CCDC171: variants seen among roughly 807,000 people sequenced by gnomAD.
The protein encoded by CCDC171 is coiled-coil domain-containing protein 171.
In CCDC171, 177 loss-of-function variants were observed where a neutral mutation model predicts 168.2. The ratio of observed to expected loss-of-function variants is 1.05; its 90% CI spans 0.93 to 1.19. The LOEUF (loss-of-function observed/expected upper bound fraction) is 1.19, where lower values mean the gene tolerates loss of function less well. Among genes scored for constraint, CCDC171 ranks in the 50% most tolerant of loss-of-function variants. The pLI, the probability that CCDC171 is intolerant of heterozygous loss-of-function variation, is 0.00. For synonymous variants in CCDC171, 687 were observed against 540.8 expected (o/e 1.27, Z -3.75); for missense variants, 1,991 against 1,539.0 (o/e 1.29, Z -4.91).
intron 24 of CCDC171, among the ~76,000 whole-genome samples, chr9:15,881,382 A>C (rs374920187): frequency 1.3e-5 from 2 of 152,216 alleles, no homozygotes; most frequent in African/African-American, 2.4e-5. Flanking sequence ...TTTAGGGTAC[A>C]TGTGATAATT....
chr9:15,980,963 G>A (rs920006628), intron 3 of CCDC171, among the ~76,000 whole-genome samples: 2 of 152,022 alleles, frequency 1.3e-5, no homozygotes, highest in Admixed American at 6.6e-5. Flanking sequence ...ATGGTGGAAG[G>A]CAAGAAAGAG....
intron 21 of CCDC171, among the ~76,000 whole-genome samples, chr9:15,839,873 C>G (rs958298164): frequency 6.6e-6 from 1 of 152,044 alleles, no homozygotes; most frequent in Non-Finnish European, 1.5e-5. Context: ...AGAAAATCAT[C>G]CAGTGAAGAA....
At chr9:15,789,190 C>A (rs1415519426) in intron 21 of CCDC171, among the ~76,000 whole-genome samples, 1 of 152,056 alleles carries the variant, frequency 6.6e-6, no homozygotes, top group Admixed American at 6.6e-5. Context: ...ACATGACACT[C>A]AAAGTAAATG....
chr9:15,582,492 G>A (rs998469492), intron 4 of CCDC171, among the ~76,000 whole-genome samples: 4 of 152,146 alleles, frequency 2.6e-5, no homozygotes, highest in Non-Finnish European at 5.9e-5. Context: ...TATGTTTATT[G>A]TGGCACTGTT....
chr9:15,796,120 ATACTTTAAG>A (rs1481284677), intron 21 of CCDC171, among the ~76,000 whole-genome samples: 5 of 152,236 alleles, frequency 3.3e-5, no homozygotes, highest in South Asian at 4.1e-4. Flanking sequence ...AGCTAAACAG[ATACTTTAAG>A]TGTTTTTTCA....
intron 7 of CCDC171, chr9:16,036,042 T>G (rs1047992364): frequency 6.6e-6 from 1 of 152,186 alleles, no homozygotes; most frequent in African/African-American, 2.4e-5. Context: ...AGTTATTGGT[T>G]TCAGGGATAC....
intron 24 of CCDC171, among the ~76,000 whole-genome samples, chr9:15,919,802 A>T (rs1041541075): frequency 6.6e-6 from 1 of 151,668 alleles, no homozygotes; most frequent in Non-Finnish European, 1.5e-5. Flanking sequence ...TTACTCTTAA[A>T]AATCACAAGA....
At chr9:15,582,341 ATTAG>A (rs1367216299) in intron 4 of CCDC171, among the ~76,000 whole-genome samples, 4 of 152,232 alleles carry the variant, frequency 2.6e-5, no homozygotes, top group Non-Finnish European at 4.4e-5. Context: ...GGGAGTGTAA[ATTAG>A]TTAAACTGTT....
chr9:15,869,513 G>GTTTTTTTT (rs72548935), intron 23 of CCDC171, among the ~76,000 whole-genome samples: 2 of 147,978 alleles, frequency 1.4e-5, no homozygotes, highest in Non-Finnish European at 3.0e-5. Context: ...AAAGCGTAGT[G>GTTTTTTTT]TTTTTTTTTT....
chr9:15,979,959 TGTG>T (rs1389397061), intron 3 of CCDC171, among the ~76,000 whole-genome samples: 1 of 152,040 alleles, frequency 6.6e-6, no homozygotes, highest in African/African-American at 2.4e-5. Flanking sequence ...TCTTTTTAAT[TGTG>T]GTAAAATATA....
chr9:15,650,781 T>A (rs1038328707), intron 7 of CCDC171, among the ~76,000 whole-genome samples: 17 of 152,202 alleles, frequency 1.1e-4, no homozygotes, highest in Non-Finnish European at 2.2e-4. Context: ...GTGTTTTTTT[T>A]ATGTGCATAG....
intron 6 of CCDC171, among the ~76,000 whole-genome samples, chr9:15,609,298 G>A (rs1375688558): frequency 6.6e-5 from 10 of 151,736 alleles, no homozygotes; most frequent in African/African-American, 9.7e-5. Context: ...TAGTAGAGAC[G>A]GGGTTTCACC....
intron 3 of CCDC171, among the ~76,000 whole-genome samples, chr9:15,992,925 C>G (rs1452158518): frequency 6.6e-6 from 1 of 152,144 alleles, no homozygotes; most frequent in Non-Finnish European, 1.5e-5. Context: ...TTACAAACCA[C>G]TGCTCAACAA....
At chr9:15,841,267 A>G (rs1334512567) in intron 21 of CCDC171, among the ~76,000 whole-genome samples, 8 of 152,102 alleles carry the variant, frequency 5.3e-5, no homozygotes, top group Admixed American at 4.6e-4. Context: ...ATTTGTATGT[A>G]TATATAAGTA....
chr9:15,932,614 A>G (rs1285047517), intron 25 of CCDC171, among the ~76,000 whole-genome samples: 1 of 151,868 alleles, frequency 6.6e-6, no homozygotes, highest in Admixed American at 6.6e-5. Flanking sequence ...TTTCTCTTGC[A>G]TAATTGCTCT....
intron 15 of CCDC171, among the ~76,000 whole-genome samples, chr9:15,728,927 T>C (rs1445498388): frequency 6.6e-6 from 1 of 152,126 alleles, no homozygotes; most frequent in African/African-American, 2.4e-5. Flanking sequence ...TTATTGAGCA[T>C]TTTATCTTGG....
chr9:15,988,492 C>T (rs2382543), intron 3 of CCDC171, among the ~76,000 whole-genome samples: 75,079 of 151,872 alleles, frequency 0.49, 19,934 homozygotes, highest in African/African-American at 0.7. Context: ...CAGTTCCCAG[C>T]TTGAGTGACA....
chr9:16,031,643 T>C (rs1416285667), intron 6 of CCDC171, among the ~76,000 whole-genome samples: 1 of 152,180 alleles, frequency 6.6e-6, no homozygotes, highest in Non-Finnish European at 1.5e-5. Flanking sequence ...CAGGTGTGAA[T>C]TCCTTATGGG....
At chr9:15,562,070 C>G (rs1220197969) in intron 1 of CCDC171, among the ~76,000 whole-genome samples, 3 of 152,086 alleles carry the variant, frequency 2.0e-5, no homozygotes, top group African/African-American at 7.2e-5. Context: ...TCTTGGCTCA[C>G]TGCAGTCTCC....
Sources: gnomAD v4.1 joint callset for allele counts (sites outside exome capture counted in the v4.1 genomes callset) on GRCh38, gnomAD v4.1.1 for gene constraint, MANE v1.5 for transcripts, NCBI Gene and HGNC (gene_info 2026-07-23, HGNC 2026-07-21) for gene names.